DLGAP1: variants seen among roughly 807,000 people sequenced by gnomAD.
The protein encoded by DLGAP1 is disks large-associated protein 1.
Under a neutral mutation model 90.8 loss-of-function variants are expected in DLGAP1, and 11 were observed. The ratio of observed to expected loss-of-function variants is 0.12; its 90% CI spans 0.08 to 0.20. The LOEUF (loss-of-function observed/expected upper bound fraction) is 0.20, where lower values mean the gene tolerates loss of function less well. Ranked by LOEUF, DLGAP1 falls within the 10% of genes least tolerant of loss-of-function variation. DLGAP1 has a pLI of 1.00. For synonymous variants in DLGAP1, 558 were observed against 540.7 expected, an observed-to-expected ratio of 1.03 and a Z score of -0.44; for missense variants, 1,050 against 1,333.8, an observed-to-expected ratio of 0.79 and a Z score of 3.31.
In DLGAP1 at chr18:3,629,648, G is replaced by T. The variant is rs543747725; in HGVS notation, c.1592-47400C>A. On this transcript the variant is annotated intron_variant, in intron 7 of 12. Coordinates refer to ENST00000315677, the MANE Select transcript of DLGAP1 (RefSeq NM_004746.4). ...GATCGCGCCACCGCACTCCAGCCTG[G>T]GCAACAGAGTGAGACTCTGTCTCAA... Among the ~76,000 whole-genome samples the T allele has an allele frequency of 3.3e-5, 5 of 151,834 alleles. No homozygotes were observed. The South Asian group carries it at 1.0e-3, about 32-fold the overall frequency.
chr18:3,782,933 T>C (rs2065266179), intron 5 of DLGAP1, among the ~76,000 whole-genome samples: 1 of 152,188 alleles, frequency 6.6e-6, no homozygotes, highest in African/African-American at 2.4e-5. Flanking sequence ...CTAGAATATA[T>C]AAACAACTCC....
chr18:3,656,286 G>A, intron 7 of DLGAP1: 1 of 533,830 alleles, frequency 1.9e-6, no homozygotes. Flanking sequence ...GTCTTAACTA[G>A]GTCTCATGGA....
At chr18:4,407,561 C>T (rs1004721678) in intron 1 of DLGAP1, among the ~76,000 whole-genome samples, 4 of 152,146 alleles carry the variant, frequency 2.6e-5, no homozygotes, top group African/African-American at 9.7e-5. Context: ...CTCGGCAAAT[C>T]CCTTCCCTCA....
intron 3 of DLGAP1, among the ~76,000 whole-genome samples, chr18:3,945,834 A>C (rs1476408027): frequency 6.6e-6 from 1 of 152,170 alleles, no homozygotes; most frequent in African/African-American, 2.4e-5. Context: ...GGTTTCAAAT[A>C]ATGGGGTTTC....
intron 3 of DLGAP1, among the ~76,000 whole-genome samples, chr18:3,916,397 C>A (rs1347787329): frequency 1.3e-5 from 2 of 152,144 alleles, no homozygotes; most frequent in Admixed American, 1.3e-4. Context: ...CTGCTGGCCT[C>A]AGATAAGAAC....
chr18:4,054,263 G>A (rs1157147651), intron 2 of DLGAP1, among the ~76,000 whole-genome samples: 1 of 152,158 alleles, frequency 6.6e-6, no homozygotes, highest in Non-Finnish European at 1.5e-5. Context: ...ATATCGGCAG[G>A]GAGGAAAAAC....
intron 4 of DLGAP1, among the ~76,000 whole-genome samples, chr18:3,822,724 G>A (rs1472340988): frequency 6.6e-6 from 1 of 152,210 alleles, no homozygotes; most frequent in African/African-American, 2.4e-5. Flanking sequence ...GCCTAGGTCT[G>A]CAGTCCCCAA....
intron 9 of DLGAP1, among the ~76,000 whole-genome samples, chr18:3,557,393 G>A (rs898595516): frequency 1.3e-5 from 2 of 152,106 alleles, no homozygotes; most frequent in African/African-American, 4.8e-5. Context: ...GTGGTGGCGT[G>A]CCCTTGTAGT....
intron 3 of DLGAP1, among the ~76,000 whole-genome samples, chr18:3,981,375 CT>C (rs1439778186): frequency 6.6e-6 from 1 of 152,246 alleles, no homozygotes; most frequent in Admixed American, 6.5e-5. Flanking sequence ...ACTCTTGAGG[CT>C]TCCGTCCTCA....
At chr18:4,099,296 CATCTATCT>C (rs35397168) in intron 2 of DLGAP1, among the ~76,000 whole-genome samples, 30,745 of 143,860 alleles carry the variant, frequency 0.21, 3,460 homozygotes, top group Middle Eastern at 0.27. Context: ...ATCTGTCTAT[CATCTATCT>C]ATCTATCTAT....
At position 3,894,972 on chromosome 18, in the gene DLGAP1, G is replaced by A. The variant is rs193020253; in HGVS notation, c.-72-14832C>T. On this transcript the variant is annotated intron_variant, in intron 3 of 12. Coordinates refer to ENST00000315677, the MANE Select transcript of DLGAP1 (RefSeq NM_004746.4). ...ACTAGCTTATGTAAGGGAACTATAC[G>A]AAATAGGCATTTATACTTGCTATGG... 4.1e-3 allele frequency among the ~76,000 whole-genome samples: 619 copies of A among 152,246 alleles called. 2 individuals are homozygous for A. The highest frequency in any genetic ancestry group is 0.02 in the South Asian group (97 of 4,822).
intron 1 of DLGAP1, among the ~76,000 whole-genome samples, chr18:4,240,103 T>C (rs769188105): frequency 2.0e-5 from 3 of 152,226 alleles, no homozygotes; most frequent in Non-Finnish European, 4.4e-5. Context: ...AGTCCTTTAC[T>C]GAAATGCAAA....
chr18:3,689,331 C>A (rs1474112748), intron 7 of DLGAP1, among the ~76,000 whole-genome samples: 1 of 152,114 alleles, frequency 6.6e-6, no homozygotes, highest in Non-Finnish European at 1.5e-5. Context: ...ACCTGGCTGC[C>A]AAATAAACTC....
intron 1 of DLGAP1, among the ~76,000 whole-genome samples, chr18:4,349,286 T>C (rs771307477): frequency 6.6e-6 from 1 of 152,088 alleles, no homozygotes; most frequent in African/African-American, 2.4e-5. Flanking sequence ...TTGAAGGACA[T>C]TCTCCAAAAC....
At chr18:4,450,763 G>A (rs942600533) in intron 1 of DLGAP1, among the ~76,000 whole-genome samples, 1 of 152,216 alleles carries the variant, frequency 6.6e-6, no homozygotes, top group African/African-American at 2.4e-5. Context: ...GGCAACAGAT[G>A]AGCAAACCAT....
chr18:4,402,864 G>T (rs1163470700), intron 1 of DLGAP1, among the ~76,000 whole-genome samples: 1 of 152,090 alleles, frequency 6.6e-6, no homozygotes, highest in African/African-American at 2.4e-5. Flanking sequence ...AATGCTTACA[G>T]GTCAAGCCAG....
At chr18:3,966,965 G>A (rs2073344886) in intron 3 of DLGAP1, among the ~76,000 whole-genome samples, 1 of 152,162 alleles carries the variant, frequency 6.6e-6, no homozygotes. Flanking sequence ...GTCCAAGAGA[G>A]GAGGAGGAGG....
chr18:3,629,420 C>T (rs2058434831), intron 7 of DLGAP1, among the ~76,000 whole-genome samples: 1 of 151,950 alleles, frequency 6.6e-6, no homozygotes, highest in South Asian at 2.1e-4. Flanking sequence ...CCCTGTAATC[C>T]CAGCACTTTG....
At chr18:3,623,795 A>G (rs1234204516) in intron 7 of DLGAP1, among the ~76,000 whole-genome samples, 1 of 141,110 alleles carries the variant, frequency 7.1e-6, no homozygotes, top group African/African-American at 2.7e-5. Flanking sequence ...AAAAAAAAAA[A>G]AAGGAAAACC....
Sources: allele counts gnomAD v4.1 joint callset (sites outside exome capture counted in the v4.1 genomes callset), GRCh38; gene constraint gnomAD v4.1.1; transcripts MANE v1.5; gene names NCBI Gene and HGNC (gene_info 2026-07-23, HGNC 2026-07-21).